Variants in ARFGEF1 observed in about 807,000 individuals in gnomAD.
ARFGEF1 encodes ARF guanine nucleotide exchange factor 1, also known as brefeldin A-inhibited guanine nucleotide-exchange protein 1.
Under a neutral mutation model 231.0 loss-of-function variants are expected in ARFGEF1, and 42 were observed. The observed-to-expected ratio is 0.18, with a 90% CI of 0.14 to 0.24. The LOEUF (loss-of-function observed/expected upper bound fraction) is 0.24. Ranked by LOEUF, ARFGEF1 falls within the 10% of genes least tolerant of loss-of-function variation. The probability of loss-of-function intolerance (pLI) is 1.00; values close to 1 mark genes in which losing one functional copy is unlikely to be tolerated. For synonymous variants in ARFGEF1, 710 were observed against 732.3 expected (o/e 0.97, Z 0.49); for missense variants, 1,345 against 2,192.0 (o/e 0.61, Z 7.72).
chr8:67,255,912 T>C (rs899503152), intron 17 of ARFGEF1, among the ~76,000 whole-genome samples: 1 of 152,230 alleles, frequency 6.6e-6, no homozygotes, highest in African/African-American at 2.4e-5. Context: ...TAGGTACTTA[T>C]GAAAAGACAT....
At chr8:67,306,127 G>C (rs571456452) in intron 1 of ARFGEF1, among the ~76,000 whole-genome samples, 4 of 152,302 alleles carry the variant, frequency 2.6e-5, no homozygotes, top group East Asian at 3.9e-4. Flanking sequence ...TGGCGTATCT[G>C]AATTGCCAGC....
chr8:67,311,563 TG>T (rs1170997203), intron 1 of ARFGEF1, among the ~76,000 whole-genome samples: 4 of 103,406 alleles, frequency 3.9e-5, no homozygotes, highest in Non-Finnish European at 5.9e-5. Flanking sequence ...GGGAGGGAGA[TG>T]GGGGGGTCAG....
At chr8:67,187,849 CAT>C (rs1328310512) in intron 5 of ARFGEF1, among the ~76,000 whole-genome samples, 1 of 152,200 alleles carries the variant, frequency 6.6e-6, no homozygotes, top group East Asian at 1.9e-4. Flanking sequence ...AAAAAATAAA[CAT>C]AGATCTTACG....
At chr8:67,251,704 T>C (rs1243880974) in intron 18 of ARFGEF1, among the ~76,000 whole-genome samples, 1 of 152,150 alleles carries the variant, frequency 6.6e-6, no homozygotes, top group Non-Finnish European at 1.5e-5. Flanking sequence ...CTTGATGAGT[T>C]TGGAGTTTCA....
At chr8:67,333,748 G>A (rs1285047990) in intron 1 of ARFGEF1, among the ~76,000 whole-genome samples, 2 of 152,178 alleles carry the variant, frequency 1.3e-5, no homozygotes, top group Non-Finnish European at 2.9e-5. Flanking sequence ...TTTGAGAACT[G>A]ACATGAAGCC....
chr8:67,258,434 C>T (rs1325547566), intron 15 of ARFGEF1, 144 bp from the exon 16 acceptor site: 4 of 587,366 alleles, frequency 6.8e-6, no homozygotes, highest in Admixed American at 6.3e-5. Context: ...AAGCGATTCT[C>T]CTGCCTCGGC....
chr8:67,237,837 A>T (rs1037215822), intron 22 of ARFGEF1, among the ~76,000 whole-genome samples: 1 of 151,982 alleles, frequency 6.6e-6, no homozygotes, highest in Non-Finnish European at 1.5e-5. Context: ...ATTTATGACT[A>T]AAAAATGTAT....
At chr8:67,333,039 A>AT (rs1808171440) in intron 1 of ARFGEF1, among the ~76,000 whole-genome samples, 1 of 143,918 alleles carries the variant, frequency 6.9e-6, no homozygotes, top group African/African-American at 2.8e-5. Context: ...AAAATTAAAT[A>AT]CTTTTTTTTT....
intron 1 of ARFGEF1, among the ~76,000 whole-genome samples, chr8:67,334,701 C>G (rs916971816): frequency 6.6e-6 from 1 of 152,132 alleles, no homozygotes; most frequent in African/African-American, 2.4e-5. Flanking sequence ...TATAGGATAT[C>G]TAAACAATGG....
At chr8:67,310,731 C>A (rs1806974104) in intron 1 of ARFGEF1, among the ~76,000 whole-genome samples, 2 of 150,346 alleles carry the variant, frequency 1.3e-5, no homozygotes, top group Admixed American at 6.6e-5. Flanking sequence ...ATGTGAGGAG[C>A]GCCTCTGCCC....
intron 19 of ARFGEF1, among the ~76,000 whole-genome samples, chr8:67,241,788 A>G (rs555097675): frequency 1.7e-4 from 26 of 152,258 alleles, no homozygotes; most frequent in South Asian, 6.2e-4. Context: ...TTTTAACTTG[A>G]TATCACTGAA....
chr8:67,339,726 G>A (rs1035102702), intron 1 of ARFGEF1, among the ~76,000 whole-genome samples: 1 of 140,778 alleles, frequency 7.1e-6, no homozygotes, highest in South Asian at 2.3e-4. Flanking sequence ...GGTACCAAAA[G>A]AGGGCAACCT....
intron 8 of ARFGEF1, 36 bp from the exon 9 acceptor site, chr8:67,276,145 T>C: frequency 1.2e-6 from 2 of 1,608,844 alleles, no homozygotes; most frequent in Non-Finnish European, 1.7e-6. Flanking sequence ...ATTTTAGAGA[T>C]ATTTGCCAGT....
At chr8:67,324,174 C>G (rs1272995817) in intron 1 of ARFGEF1, among the ~76,000 whole-genome samples, 1 of 152,186 alleles carries the variant, frequency 6.6e-6, no homozygotes, top group African/African-American at 2.4e-5. Context: ...CACTCCTTTG[C>G]TTGGCATTCT....
chr8:67,335,561 GC>G (rs1383462708), intron 1 of ARFGEF1, among the ~76,000 whole-genome samples: 2 of 152,048 alleles, frequency 1.3e-5, no homozygotes, highest in African/African-American at 4.8e-5. Flanking sequence ...AAAGTGCTTG[GC>G]CTTCAAAATA....
chr8:67,232,848 AC>A lies in ARFGEF1; in HGVS notation c.3380+6del, dbSNP rs773332446. ...CATCTGAAAAGGGAATAAAATGAATACCTTACCTATCTACAGCAACAACAAC... is the reference window on the plus strand; with the variant it reads ...CATCTGAAAAGGGAATAAAATGAATACTTACCTATCTACAGCAACAACAAC... On this transcript the variant is annotated splice_donor_region_variant and intron_variant, in intron 23 of 38. Coordinates refer to ENST00000262215, the MANE Select transcript of ARFGEF1 (RefSeq NM_006421.5). The A allele has an allele frequency of 1.3e-6, 2 of 1,584,660 alleles. No homozygotes were observed. Among genetic ancestry groups the A allele is most frequent in the East Asian group, 4.5e-5 (2 of 44,210 alleles).
At position 67,222,164 on chromosome 8, in the gene ARFGEF1, CATATATATATATATACACATAT is replaced by C. The variant is rs1448844580; in HGVS notation, c.4209-2626_4209-2605del. Among the ~76,000 whole-genome samples, 183 of 119,154 alleles carry C rather than the reference CATATATATATATATACACATAT, an allele frequency of 1.5e-3. 4 individuals carry two copies. The highest frequency in any genetic ancestry group is 6.7e-3 in the African/African-American group (178 of 26,640). 78.2% of individuals were successfully genotyped at this position (119,154 alleles called of 152,430 possible). ...ATGTTTTTACTGTACCTTTTCCATG[CATATATATATATATACACATAT>C]ATATATATATATATATATACACACA... On this transcript the variant is annotated intron_variant, in intron 29 of 38. Coordinates refer to ENST00000262215, the MANE Select transcript of ARFGEF1 (RefSeq NM_006421.5).
intron 19 of ARFGEF1, among the ~76,000 whole-genome samples, chr8:67,242,003 C>G (rs1839945261): frequency 6.6e-6 from 1 of 152,164 alleles, no homozygotes; most frequent in South Asian, 2.1e-4. Context: ...GATGCCCACC[C>G]ACAGAGGAAG....
chr8:67,214,387 T>A (rs1272649430), intron 33 of ARFGEF1, among the ~76,000 whole-genome samples: 1 of 152,192 alleles, frequency 6.6e-6, no homozygotes, highest in Admixed American at 6.5e-5. Flanking sequence ...GTGCTGAAGG[T>A]GTGGCCTGGT....
Sources: gnomAD v4.1 joint callset for allele counts (sites outside exome capture counted in the v4.1 genomes callset) on GRCh38, gnomAD v4.1.1 for gene constraint, MANE v1.5 for transcripts, NCBI Gene and HGNC (gene_info 2026-07-23, HGNC 2026-07-21) for gene names.